The following FRY variants were observed in gnomAD, a reference collection of about 807,000 sequenced individuals.
The protein encoded by FRY is FRY microtubule binding protein, also known as protein furry homolog.
FRY carries 128 observed loss-of-function variants against 348.4 expected under a neutral mutation model. That is an observed-to-expected ratio of 0.37 (90% CI 0.32 to 0.43). The LOEUF is 0.43. FRY is among the 20% of genes least tolerant of loss of function. The pLI is 1.00. For synonymous variants in FRY, 1,370 were observed against 1,374.7 expected (o/e 1.00, Z 0.08); for missense variants, 2,736 against 3,695.2 (o/e 0.74, Z 6.73).
At chr13:32,077,750 G>A (rs1485672047) in intron 1 of FRY, among the ~76,000 whole-genome samples, 15 of 152,152 alleles carry the variant, frequency 9.9e-5, no homozygotes. Flanking sequence ...ACTTTGTTTT[G>A]CCTTTAATAT....
At chr13:32,101,866 G>A (rs1877181761) in intron 2 of FRY, 97 bp from the exon 3 acceptor site, 1 of 768,340 alleles carries the variant, frequency 1.3e-6, no homozygotes, top group Non-Finnish European at 2.3e-6. Flanking sequence ...CATAATGAGA[G>A]AAATGAGTGA....
At chr13:32,268,536 A>ATATATC (rs1888059879) in intron 55 of FRY, among the ~76,000 whole-genome samples, 1 of 134,606 alleles carries the variant, frequency 7.4e-6, no homozygotes. Context: ...ATATATATAT[A>ATATATC]TATCTAGATT....
intron 18 of FRY, 45 bp from the exon 19 acceptor site, chr13:32,173,322 T>G (rs776524088): frequency 6.9e-7 from 1 of 1,454,600 alleles, no homozygotes; most frequent in Non-Finnish European, 9.6e-7. Flanking sequence ...TCTTCTTCCT[T>G]TGTTATTTCG....
chr13:32,252,086 C>T (rs889761918), intron 50 of FRY, 134 bp downstream of exon 50: 1 of 719,788 alleles, frequency 1.4e-6, no homozygotes, highest in East Asian at 2.6e-5. Context: ...CTTGAGCAAA[C>T]CCCTGGACTA....
At chr13:32,274,700 TC>T (rs1464561709) in intron 55 of FRY, 141 bp from the exon 56 acceptor site, 1 of 490,180 alleles carries the variant, frequency 2.0e-6, no homozygotes, top group Non-Finnish European at 3.4e-6. Flanking sequence ...CGAGATTCTG[TC>T]TCAAAAAAAA....
intron 1 of FRY, among the ~76,000 whole-genome samples, chr13:32,068,817 A>G (rs904864350): frequency 2.0e-4 from 31 of 152,074 alleles, no homozygotes; most frequent in Non-Finnish European, 3.4e-4. Context: ...TATATCATCA[A>G]TGTATCTAGG....
intron 2 of FRY, among the ~76,000 whole-genome samples, chr13:32,090,418 G>A (rs998042331): frequency 6.6e-6 from 1 of 150,650 alleles, no homozygotes; most frequent in East Asian, 2.0e-4. Flanking sequence ...AAGGCACTAC[G>A]ATGAAAAGGT....
chr13:32,111,694 G>A lies in FRY; in HGVS notation c.325-5640G>A, dbSNP rs539754318. Among the ~76,000 whole-genome samples, 127 of 152,278 alleles carry A rather than the reference G, an allele frequency of 8.3e-4. 1 individual carries two copies. In the South Asian group the frequency reaches 0.013, roughly 15 times the overall value. ...CTCTTATACCAAATGAAGTACAGGA[G>A]CTTCACACTGTGCCTTCTTGCAGAG... On this transcript the variant is annotated intron_variant, in intron 3 of 60. Coordinates refer to ENST00000542859, the MANE Select transcript of FRY (RefSeq NM_023037.3).
intron 2 of FRY, among the ~76,000 whole-genome samples, chr13:32,079,634 A>T (rs1875345865): frequency 6.6e-6 from 1 of 152,200 alleles, no homozygotes; most frequent in African/African-American, 2.4e-5. Flanking sequence ...CTTCAGTTGC[A>T]GATGCTTCTG....
At chr13:32,163,344 T>C (rs1361045077) in intron 17 of FRY, among the ~76,000 whole-genome samples, 3 of 152,206 alleles carry the variant, frequency 2.0e-5, no homozygotes, top group Non-Finnish European at 4.4e-5. Flanking sequence ...CTGAACTTCA[T>C]TTCCTTCATT....
Position 32,147,380 on chromosome 13 carries a change from T to A in FRY, c.1278T>A (p.Thr426=), listed in dbSNP as rs377698779. The A allele has an allele frequency of 6.3e-7, 1 of 1,584,606 alleles. No individual in the cohort carries two copies. The highest frequency in any genetic ancestry group is 1.7e-5 in the Admixed American group (1 of 59,964). The change falls in exon 12 of 61, where the codon ACT becomes ACA. Residue 426 remains threonine, a synonymous_variant. Coordinates refer to ENST00000542859, the MANE Select transcript of FRY (RefSeq NM_023037.3). ...IRIKCESNTA[T]QSRLITIITT... is the part of the protein sequence containing the mutation. Reference sequence around the variant, plus strand: ...TTAAATGTGAAAGCAACACAGCTACTCAGAGGTAAGATTTGGCTTGTGTCA... The same window carrying A: ...TTAAATGTGAAAGCAACACAGCTACACAGAGGTAAGATTTGGCTTGTGTCA...
intron 7 of FRY, among the ~76,000 whole-genome samples, chr13:32,125,691 A>G (rs1878975309): frequency 6.6e-6 from 1 of 152,224 alleles, no homozygotes; most frequent in African/African-American, 2.4e-5. Flanking sequence ...AAAAAACAAA[A>G]ATTTTAAAAA....
chr13:32,258,205 G>A (rs1441156748), intron 51 of FRY, among the ~76,000 whole-genome samples: 1 of 152,176 alleles, frequency 6.6e-6, no homozygotes, highest in Non-Finnish European at 1.5e-5. Context: ...AGTTCTGAAA[G>A]TTGCATGATT....
chr13:32,230,081 T>G (rs2138429742), intron 40 of FRY, among the ~76,000 whole-genome samples: 1 of 152,342 alleles, frequency 6.6e-6, no homozygotes, highest in East Asian at 1.9e-4. Context: ...CATTTTAAGT[T>G]CAAGGGTGCA....
At chr13:32,165,892 T>C (rs1485924861) in intron 17 of FRY, among the ~76,000 whole-genome samples, 5 of 152,238 alleles carry the variant, frequency 3.3e-5, no homozygotes, top group African/African-American at 1.2e-4. Context: ...TTTTATGACA[T>C]GTCCTGACTT....
chr13:32,071,684 T>G (rs905417806), intron 1 of FRY, among the ~76,000 whole-genome samples: 2 of 152,092 alleles, frequency 1.3e-5, no homozygotes, highest in Non-Finnish European at 2.9e-5. Flanking sequence ...ATGGGTAGAT[T>G]CATGGAATCC....
chr13:32,070,219 G>C (rs1475997442), intron 1 of FRY, among the ~76,000 whole-genome samples: 3 of 152,104 alleles, frequency 2.0e-5, no homozygotes, highest in Non-Finnish European at 2.9e-5. Context: ...AATCCTTTGG[G>C]TCTATACCCA....
intron 23 of FRY, among the ~76,000 whole-genome samples, chr13:32,182,492 C>T (rs1257863642): frequency 2.6e-5 from 4 of 152,132 alleles, no homozygotes; most frequent in Non-Finnish European, 5.9e-5. Flanking sequence ...GCACAGATCC[C>T]AAATGCAGCA....
intron 1 of FRY, among the ~76,000 whole-genome samples, chr13:32,039,451 GTCTC>G (rs1266356151): frequency 1.3e-5 from 2 of 151,608 alleles, no homozygotes; most frequent in Admixed American, 1.3e-4. Context: ...ATGTCTGTCT[GTCTC>G]TCTCTCTCTT....
Sources: gnomAD v4.1 joint callset for allele counts (sites outside exome capture counted in the v4.1 genomes callset) on GRCh38, gnomAD v4.1.1 for gene constraint, MANE v1.5 for transcripts, NCBI Gene and HGNC (gene_info 2026-07-23, HGNC 2026-07-21) for gene names.